Variants in PPP4R4 observed in about 807,000 individuals in gnomAD.
The protein encoded by PPP4R4 is serine/threonine-protein phosphatase 4 regulatory subunit 4.
Under a neutral mutation model 121.8 loss-of-function variants are expected in PPP4R4, and 70 were observed. That is an observed-to-expected ratio of 0.57 (90% CI 0.47 to 0.70). The LOEUF (loss-of-function observed/expected upper bound fraction) is 0.70. PPP4R4 is among the 30% of genes least tolerant of loss of function. The pLI, the probability that PPP4R4 is intolerant of heterozygous loss-of-function variation, is 0.00. For missense variants in PPP4R4, 875 were observed against 1,033.6 expected (o/e 0.85, Z 2.10); for synonymous variants, 348 against 355.7 (o/e 0.98, Z 0.24).
At chr14:94,252,307 T>C (rs931489578) in intron 16 of PPP4R4, among the ~76,000 whole-genome samples, 1 of 152,202 alleles carries the variant, frequency 6.6e-6, no homozygotes, top group Non-Finnish European at 1.5e-5. Context: ...TTCAAAGAAG[T>C]AGAACTGCTT....
rs1246410417 is a variant in PPP4R4 at position 94,208,466 on chromosome 14, C to T, written c.194C>T (p.Ala65Val). 1.2e-6 allele frequency: 2 copies of T among 1,600,110 alleles called. No homozygotes were observed. Among genetic ancestry groups the T allele is most frequent in the Admixed American group, 1.7e-5 (1 of 59,564 alleles). The change falls in exon 3 of 25, where the codon GCT becomes GTT. Residue 65 changes from alanine (A) to valine (V), a missense_variant and splice_region_variant. Ala to Val is a moderately conservative substitution (Grantham distance 64). Transcript: ENST00000304338. ...TAAATTTGTGTTTTCTTTGTAAGTG[C>T]TGGTCAAGATGTCCAAGGAACAAGT... Reference protein sequence around the residue: ...DIERAVYLLSAGQDVQGTSVI... With the variant: ...DIERAVYLLSVGQDVQGTSVI...
chr14:94,220,567 A>G (rs113857789), intron 3 of PPP4R4, among the ~76,000 whole-genome samples: 64 of 152,350 alleles, frequency 4.2e-4, no homozygotes, highest in African/African-American at 1.5e-3. Flanking sequence ...AGATCAATAT[A>G]CAAAAATCAG....
At chr14:94,177,178 G>T (rs1888722678) in intron 2 of PPP4R4, among the ~76,000 whole-genome samples, 1 of 152,118 alleles carries the variant, frequency 6.6e-6, no homozygotes, top group Non-Finnish European at 1.5e-5. Context: ...CAGAATATCA[G>T]CATATTTACC....
At chr14:94,236,074 A>G (rs1332581032) in intron 7 of PPP4R4, among the ~76,000 whole-genome samples, 2 of 152,170 alleles carry the variant, frequency 1.3e-5, no homozygotes, top group Admixed American at 6.5e-5. Flanking sequence ...GTATGGTGGA[A>G]TGTCACACAG....
At chr14:94,246,615 CA>C in intron 14 of PPP4R4, 76 bp downstream of exon 14, 1 of 1,425,100 alleles carries the variant, frequency 7.0e-7, no homozygotes, top group East Asian at 2.3e-5. Flanking sequence ...TTCATATTTT[CA>C]AAATAGTAGA....
intron 23 of PPP4R4, among the ~76,000 whole-genome samples, chr14:94,273,320 C>T (rs1894443855): frequency 6.6e-6 from 1 of 152,032 alleles, no homozygotes; most frequent in South Asian, 2.1e-4. Flanking sequence ...GCTATCAGGC[C>T]ATGAAAAGAC....
chr14:94,273,576 G>A (rs146297077), intron 23 of PPP4R4, among the ~76,000 whole-genome samples: 4 of 152,216 alleles, frequency 2.6e-5, no homozygotes, highest in East Asian at 3.9e-4. Context: ...TAGCATGTAC[G>A]CCATTAAGAG....
chr14:94,210,909 T>G (rs1890708550), intron 3 of PPP4R4, among the ~76,000 whole-genome samples: 1 of 152,160 alleles, frequency 6.6e-6, no homozygotes, highest in South Asian at 2.1e-4. Context: ...TTCATTGTAT[T>G]CAGATTTTGT....
intron 3 of PPP4R4, among the ~76,000 whole-genome samples, chr14:94,218,968 G>A (rs1431195572): frequency 6.6e-6 from 1 of 151,318 alleles, no homozygotes; most frequent in Non-Finnish European, 1.5e-5. Flanking sequence ...TACCTTTCCA[G>A]GATGAAGACA....
At chr14:94,257,196 T>C (rs1893520559) in intron 17 of PPP4R4, among the ~76,000 whole-genome samples, 1 of 152,116 alleles carries the variant, frequency 6.6e-6, no homozygotes, top group South Asian at 2.1e-4. Context: ...GAGATCTTAG[T>C]ATATGGATTC....
chr14:94,250,181 C>A lies in PPP4R4; in HGVS notation c.1621C>A (p.Pro541Thr). 1 of 1,606,438 alleles carries A rather than the reference C, an allele frequency of 6.2e-7. No individual in the cohort carries two copies. Among genetic ancestry groups the A allele is most frequent in the Non-Finnish European group, 8.5e-7 (1 of 1,173,402 alleles). Residue 541 changes from proline to threonine, a missense_variant, in exon 15 of 25, where the codon CCT becomes ACT. Pro to Thr is a conservative substitution (Grantham distance 38). Coordinates refer to ENST00000304338, the MANE Select transcript of PPP4R4 (RefSeq NM_058237.2). ...FTIMMTNNVL[P>T]VQKAASRTLC... ...TACTTACTTCTTCAAGAATGTTTTA[C>A]CTGTCCAAAAGGCGGCTTCACGAAC...
chr14:94,246,317 A>G (rs1892892641), intron 13 of PPP4R4, 40 bp from the exon 14 acceptor site: 1 of 1,549,366 alleles, frequency 6.5e-7, no homozygotes, highest in Non-Finnish European at 8.7e-7. Flanking sequence ...GAGTGCTGCA[A>G]TTTATTTATA....
Position 94,246,472 on chromosome 14 carries a change from A to G in PPP4R4, c.1544A>G (p.His515Arg), listed in dbSNP as rs1595520792. ...CTTCAGAAATATGCCTGCCTGCCAC[A>G]TGTCATATCAAGCGATCAGATTTAT... is the stretch of plus-strand genomic sequence containing the variant. ...KLLQKYACLPHVISSDQIYYR... is the reference protein window; with the variant it reads ...KLLQKYACLPRVISSDQIYYR... Residue 515 changes from histidine (H) to arginine (R), a missense_variant, in exon 14 of 25, where the codon CAT (histidine) becomes CGT (arginine). Coordinates refer to ENST00000304338, the MANE Select transcript of PPP4R4 (RefSeq NM_058237.2). 3 of 1,614,072 alleles carry G rather than the reference A, an allele frequency of 1.9e-6. No homozygotes were observed. Among genetic ancestry groups the G allele is most frequent in the South Asian group, 2.2e-5 (2 of 91,078 alleles).
chr14:94,211,085 T>C (rs988125343), intron 3 of PPP4R4, among the ~76,000 whole-genome samples: 1 of 152,188 alleles, frequency 6.6e-6, no homozygotes, highest in Non-Finnish European at 1.5e-5. Context: ...ATCTTGAGCA[T>C]TTAGTAATAA....
intron 2 of PPP4R4, among the ~76,000 whole-genome samples, chr14:94,186,774 T>C (rs1243650838): frequency 6.6e-6 from 1 of 152,212 alleles, no homozygotes. Flanking sequence ...TCAGTCTTTT[T>C]AATTTTAAGT....
At chr14:94,189,784 T>C (rs1371092955) in intron 2 of PPP4R4, among the ~76,000 whole-genome samples, 3 of 152,210 alleles carry the variant, frequency 2.0e-5, no homozygotes, top group African/African-American at 7.2e-5. Context: ...TATATCATAC[T>C]GGAGGGAAAC....
intron 16 of PPP4R4, among the ~76,000 whole-genome samples, chr14:94,253,254 G>A (rs1174774792): frequency 5.3e-5 from 8 of 152,188 alleles, no homozygotes; most frequent in Middle Eastern, 3.2e-3. Flanking sequence ...GAGGCCAGGA[G>A]TTTGAGACCA....
Position 94,234,638 on chromosome 14 carries a change from C to A in PPP4R4, c.700C>A (p.Arg234=). Residue 234 remains arginine (R), a synonymous_variant, in exon 7 of 25, where the codon CGG becomes AGG. Coordinates refer to ENST00000304338, the MANE Select transcript of PPP4R4 (RefSeq NM_058237.2). ...VEYEVRSCMC[R]QLENIAQGIG... ...ATATGAAGTTCGATCTTGTATGTGT[C>A]GGCAATTAGAAAATATAGCCCAGGG... 6.2e-7 allele frequency: 1 copy of A among 1,603,382 alleles called. No individual in the cohort carries two copies. The highest frequency in any genetic ancestry group is 1.1e-5 in the South Asian group (1 of 90,666).
chr14:94,174,579 CA>C lies in PPP4R4; in HGVS notation c.116del (p.Lys39ArgfsTer6). 1 of 1,611,402 alleles carries C rather than the reference CA, an allele frequency of 6.2e-7. No homozygotes were observed. The highest frequency in any genetic ancestry group is 8.5e-7 in the Non-Finnish European group (1 of 1,178,964). On this transcript the variant is annotated frameshift_variant and splice_region_variant, in exon 1 of 25. Transcript: ENST00000304338. LOFTEE classifies it high-confidence loss of function. ...IIERPVRRSL[K>X]TPEEIERLTV... ...TCGAGAGGCCGGTCCGCCGGAGCCTCAAGGTGCGCCCCGGGGAGAGGACCTG... is the reference window on the plus strand; with the variant it reads ...TCGAGAGGCCGGTCCGCCGGAGCCTCAGGTGCGCCCCGGGGAGAGGACCTG...
Sources: gnomAD v4.1 joint callset for allele counts (sites outside exome capture counted in the v4.1 genomes callset) on GRCh38, gnomAD v4.1.1 for gene constraint, MANE v1.5 for transcripts, NCBI Gene and HGNC (gene_info 2026-07-23, HGNC 2026-07-21) for gene names.